Variants in HYCC1 observed in about 807,000 individuals in gnomAD.
HYCC1 encodes hyccin.
chr7:22,971,075 T>C, the HYCC1 span, among the ~76,000 whole-genome samples: 1 of 151,926 alleles, frequency 6.6e-6, no homozygotes, highest in East Asian at 1.9e-4. Flanking sequence ...AAAACTCTTG[T>C]TGTGATTCTC....
the HYCC1 span, among the ~76,000 whole-genome samples, chr7:22,933,639 C>T: frequency 6.6e-6 from 1 of 152,094 alleles, no homozygotes; most frequent in Admixed American, 6.6e-5. Flanking sequence ...GTCTGACAAT[C>T]TCTTTCTTTT....
the HYCC1 span, chr7:23,013,997 T>A: frequency 6.4e-6 from 3 of 470,948 alleles, no homozygotes; most frequent in South Asian, 4.6e-5. Flanking sequence ...CGGAGGCTGC[T>A]CTGCTTCCTC....
At chr7:22,922,459 T>C in the HYCC1 span, among the ~76,000 whole-genome samples, 1 of 152,242 alleles carries the variant, frequency 6.6e-6, no homozygotes, top group Non-Finnish European at 1.5e-5. Flanking sequence ...TACGTTAGCA[T>C]GGCTGGCAGG....
At chr7:22,925,384 G>A in the HYCC1 span, among the ~76,000 whole-genome samples, 2 of 152,134 alleles carry the variant, frequency 1.3e-5, no homozygotes, top group African/African-American at 2.4e-5. Context: ...AAGCTACTCC[G>A]AGCTAAAGGA....
the HYCC1 span, among the ~76,000 whole-genome samples, chr7:23,008,758 GT>G: frequency 6.6e-6 from 1 of 151,964 alleles, no homozygotes; most frequent in East Asian, 1.9e-4. Flanking sequence ...ACATGATTTG[GT>G]ATTTAAAACC....
At chr7:22,985,349 T>A in the HYCC1 span, among the ~76,000 whole-genome samples, 1 of 152,178 alleles carries the variant, frequency 6.6e-6, no homozygotes, top group South Asian at 2.1e-4. Context: ...TGTCTTATCA[T>A]CTCTGCAACC....
the HYCC1 span, among the ~76,000 whole-genome samples, chr7:22,913,273 C>A: frequency 6.6e-6 from 1 of 152,290 alleles, no homozygotes; most frequent in East Asian, 1.9e-4. Context: ...TTGTTGAAAA[C>A]AATAGAGGAA....
At chr7:23,013,571 G>A in the HYCC1 span, among the ~76,000 whole-genome samples, 6 of 152,142 alleles carry the variant, frequency 3.9e-5, no homozygotes, top group African/African-American at 1.4e-4. Context: ...CCGAGGCGGC[G>A]GCACCCGGGT....
chr7:22,964,309 T>C, the HYCC1 span: 4 of 731,724 alleles, frequency 5.5e-6, no homozygotes, highest in Non-Finnish European at 9.9e-6. Flanking sequence ...ACAAAAAGTA[T>C]GCAAATCACT....
chr7:22,966,494 G>A, the HYCC1 span, among the ~76,000 whole-genome samples: 1 of 152,066 alleles, frequency 6.6e-6, no homozygotes, highest in Non-Finnish European at 1.5e-5. Flanking sequence ...GTTTCACCAC[G>A]TTGGTCAGCA....
At chr7:22,966,262 C>G in the HYCC1 span, among the ~76,000 whole-genome samples, 1 of 152,248 alleles carries the variant, frequency 6.6e-6, no homozygotes, top group South Asian at 2.1e-4. Context: ...AACTTTCTGA[C>G]CAACATGCAC....
chr7:22,951,178 G>C, the HYCC1 span, among the ~76,000 whole-genome samples: 1 of 151,862 alleles, frequency 6.6e-6, no homozygotes, highest in African/African-American at 2.4e-5. Flanking sequence ...GAAAAGTTGT[G>C]ATTTCTCTCA....
At chr7:22,928,391 A>G in the HYCC1 span, among the ~76,000 whole-genome samples, 127 of 152,336 alleles carry the variant, frequency 8.3e-4, no homozygotes, top group African/African-American at 3.0e-3. Flanking sequence ...AGAGGAAGTC[A>G]AATTTTCCCT....
At chr7:22,942,207 C>T in the HYCC1 span, 5 of 152,198 alleles carry the variant, frequency 3.3e-5, no homozygotes, top group East Asian at 9.6e-4. Flanking sequence ...ATATATTTCC[C>T]TTTAATTCAA....
the HYCC1 span, among the ~76,000 whole-genome samples, chr7:22,960,727 T>G: frequency 1.3e-5 from 2 of 152,184 alleles, no homozygotes; most frequent in African/African-American, 4.8e-5. Flanking sequence ...AAAAAGACAG[T>G]TAGGTGTCTA....
At chr7:23,012,411 C>T in the HYCC1 span, among the ~76,000 whole-genome samples, 65 of 152,116 alleles carry the variant, frequency 4.3e-4, no homozygotes, top group Non-Finnish European at 7.5e-4. Context: ...CTGCTAATGC[C>T]GATGACTAAG....
the HYCC1 span, among the ~76,000 whole-genome samples, chr7:22,994,150 AG>A: frequency 6.6e-6 from 1 of 152,290 alleles, no homozygotes; most frequent in African/African-American, 2.4e-5. Flanking sequence ...TGGCTACAGC[AG>A]GTATTTTTTA....
the HYCC1 span, among the ~76,000 whole-genome samples, chr7:23,013,706 C>G: frequency 1.5e-4 from 23 of 151,782 alleles, no homozygotes; most frequent in African/African-American, 5.1e-4. Context: ...CCGGCCGCAG[C>G]CCACCCGCCC....
the HYCC1 span, among the ~76,000 whole-genome samples, chr7:22,967,412 CTG>C: frequency 6.6e-6 from 1 of 152,146 alleles, no homozygotes; most frequent in Non-Finnish European, 1.5e-5. Flanking sequence ...ATTGAGGAGA[CTG>C]TGGATATTTT....
Sources: gnomAD v4.1 joint callset for allele counts (sites outside exome capture counted in the v4.1 genomes callset) on GRCh38, gnomAD v4.1.1 for gene constraint, MANE v1.5 for transcripts, NCBI Gene and HGNC (gene_info 2026-07-23, HGNC 2026-07-21) for gene names.